Variants in DBF4 observed in about 807,000 individuals in gnomAD.
DBF4 encodes protein DBF4 homolog A.
DBF4 carries 25 observed loss-of-function variants against 76.6 expected under a neutral mutation model. The ratio of observed to expected loss-of-function variants is 0.33; its 90% confidence interval spans 0.24 to 0.46. The LOEUF (loss-of-function observed/expected upper bound fraction) is 0.46. DBF4 is among the 20% of genes least tolerant of loss of function. The probability of loss-of-function intolerance (pLI) is 1.00; values close to 1 mark genes in which losing one functional copy is unlikely to be tolerated. For missense variants in DBF4, 638 were observed against 760.8 expected (o/e 0.84, Z 1.90); for synonymous variants, 213 against 258.0 (o/e 0.83, Z 1.67).
At chr7:87,887,625 G>A (rs1839389747) in intron 5 of DBF4, among the ~76,000 whole-genome samples, 1 of 152,190 alleles carries the variant, frequency 6.6e-6, no homozygotes, top group African/African-American at 2.4e-5. Context: ...CATCTGGTGA[G>A]GGCCTTCTTG....
Position 87,887,958 on chromosome 7 carries a change from T to G in DBF4, c.521-25T>G, listed in dbSNP as rs774088151. 5 of 1,520,100 alleles carry G rather than the reference T, an allele frequency of 3.3e-6. No homozygotes were observed. The East Asian group carries it at 1.2e-4, about 36-fold the overall frequency. The allele number at this position is 1,520,100 out of a possible 1,614,324, so 94.2% of individuals were successfully genotyped here. A position where few individuals can be genotyped will look rare whatever the true frequency, so the allele number is the denominator to read the frequency against. On this transcript the variant is annotated intron_variant, in intron 5 of 11. Coordinates refer to ENST00000265728, the MANE Select transcript of DBF4 (RefSeq NM_006716.4). Reference sequence around the variant, plus strand: ...ACTCCAAGAGTAAAATTGCTAATCTTAAAACCTTCTTTCTTTTAATAAAGA... The same window carrying G: ...ACTCCAAGAGTAAAATTGCTAATCTGAAAACCTTCTTTCTTTTAATAAAGA...
Position 87,876,548 on chromosome 7 carries a change from C to T in DBF4, c.-185C>T. 5 of 635,246 alleles carry T rather than the reference C, an allele frequency of 7.9e-6. No individual in the cohort carries two copies. Among genetic ancestry groups the T allele is most frequent in the Non-Finnish European group, 1.4e-5 (5 of 360,394 alleles). 39.4% of individuals were successfully genotyped at this position (635,246 alleles called of 1,614,324 possible). A position where few individuals can be genotyped will look rare whatever the true frequency, so the allele number is the denominator to read the frequency against. ...GTGCTTTGCGCCTTCCTCCTCCGCG[C>T]CTTGGAGCCGGATCCGGCCCCGGAA... On this transcript the variant is annotated 5_prime_UTR_variant, in exon 1 of 12. Transcript: ENST00000265728.
At chr7:87,900,155 C>A in intron 8 of DBF4, 66 bp from the exon 9 acceptor site, 1 of 1,332,412 alleles carries the variant, frequency 7.5e-7, no homozygotes, top group Non-Finnish European at 1.0e-6. Context: ...TTTTGAAATA[C>A]AAAACTTTAA....
chr7:87,886,471 G>A (rs1018755434), intron 3 of DBF4, among the ~76,000 whole-genome samples: 3 of 138,780 alleles, frequency 2.2e-5, no homozygotes, highest in Middle Eastern at 4.5e-3. Context: ...GGAGGCAGAG[G>A]TTGCAATGAG....
At chr7:87,897,422 G>C in intron 8 of DBF4, 83 bp downstream of exon 8, 1 of 1,256,976 alleles carries the variant, frequency 8.0e-7, no homozygotes, top group Non-Finnish European at 1.1e-6. Context: ...AGCTCGATTA[G>C]TACTGTTAGG....
chr7:87,908,861 C>G lies in DBF4; in HGVS notation c.*698C>G, dbSNP rs1839975443. On this transcript the variant is annotated 3_prime_UTR_variant, in exon 12 of 12. Coordinates refer to ENST00000265728, the MANE Select transcript of DBF4 (RefSeq NM_006716.4). ...CTTTGGGAGGCCGAGGCAGGCTGATCACGAGGTCAGAAGATCAAGACCATC... is the reference window on the plus strand; with the variant it reads ...CTTTGGGAGGCCGAGGCAGGCTGATGACGAGGTCAGAAGATCAAGACCATC... The G allele has an allele frequency of 6.6e-6, 1 of 152,230 alleles. No homozygotes were observed. The highest frequency in any genetic ancestry group is 1.5e-5 in the Non-Finnish European group (1 of 68,084). 9.4% of individuals were successfully genotyped at this position (152,230 alleles called of 1,614,324 possible).
intron 2 of DBF4, 128 bp downstream of exon 2, chr7:87,878,353 T>C: frequency 1.4e-6 from 1 of 728,476 alleles, no homozygotes; most frequent in East Asian, 2.8e-5. Context: ...TTTTATCAGC[T>C]GTTTATCGTT....
intron 1 of DBF4, among the ~76,000 whole-genome samples, chr7:87,877,035 C>T (rs1839072511): frequency 6.6e-6 from 1 of 152,214 alleles, no homozygotes; most frequent in Non-Finnish European, 1.5e-5. Flanking sequence ...TGAAAACTAG[C>T]AAACAATGTG....
intron 9 of DBF4, 149 bp downstream of exon 9, chr7:87,900,498 T>C: frequency 2.0e-6 from 2 of 989,012 alleles, no homozygotes; most frequent in Non-Finnish European, 2.9e-6. Context: ...CTGAATCTGT[T>C]TAGATGGAGG....
At chr7:87,887,914 A>G (rs1839398449) in intron 5 of DBF4, 69 bp from the exon 6 acceptor site, 2 of 1,374,108 alleles carry the variant, frequency 1.5e-6, no homozygotes, top group African/African-American at 3.0e-5. Flanking sequence ...ATTTAACTAC[A>G]AGAAAATATC....
At chr7:87,888,237 A>G (rs1839408953) in intron 6 of DBF4, 178 bp downstream of exon 6, 3 of 958,912 alleles carry the variant, frequency 3.1e-6, no homozygotes, top group Non-Finnish European at 3.7e-6. Flanking sequence ...TCACCAGGTA[A>G]AAGTTGTTCC....
intron 2 of DBF4, among the ~76,000 whole-genome samples, chr7:87,881,871 G>A (rs1287448193): frequency 6.6e-6 from 1 of 152,124 alleles, no homozygotes; most frequent in African/African-American, 2.4e-5. Context: ...AGTTTGAGCT[G>A]GATCTTGAAG....
At chr7:87,877,261 G>A (rs934183371) in intron 1 of DBF4, among the ~76,000 whole-genome samples, 11 of 152,206 alleles carry the variant, frequency 7.2e-5, no homozygotes, top group Admixed American at 6.5e-4. Context: ...TAAGTTGGGG[G>A]AAAGCATTGT....
chr7:87,895,536 T>C (rs1839611682), intron 6 of DBF4, among the ~76,000 whole-genome samples: 1 of 152,190 alleles, frequency 6.6e-6, no homozygotes, highest in Admixed American at 6.5e-5. Context: ...CAGACTGTTC[T>C]GTCTTGGTGG....
chr7:87,891,555 T>C (rs1018776032), intron 6 of DBF4, among the ~76,000 whole-genome samples: 31 of 152,190 alleles, frequency 2.0e-4, no homozygotes, highest in African/African-American at 6.8e-4. Context: ...GGTTGTCAAA[T>C]TGATGGGCAA....
At chr7:87,889,014 G>A (rs1289161722) in intron 6 of DBF4, among the ~76,000 whole-genome samples, 1 of 152,122 alleles carries the variant, frequency 6.6e-6, no homozygotes, top group Non-Finnish European at 1.5e-5. Flanking sequence ...GCATATTTTA[G>A]AAATCTTGTA....
intron 4 of DBF4, 89 bp downstream of exon 4, chr7:87,886,983 C>T (rs564631330): frequency 3.1e-6 from 3 of 962,326 alleles, no homozygotes; most frequent in South Asian, 3.2e-5. Flanking sequence ...TTTTCCTTTC[C>T]ACATTTTTAG....
chr7:87,898,439 G>A (rs1010742557), intron 8 of DBF4, among the ~76,000 whole-genome samples: 4 of 151,994 alleles, frequency 2.6e-5, no homozygotes, highest in Non-Finnish European at 5.9e-5. Flanking sequence ...TAGTAAAAAC[G>A]TATCCTAGAA....
chr7:87,904,465 G>T (rs1311189419), intron 11 of DBF4, 49 bp downstream of exon 11: 1 of 1,561,656 alleles, frequency 6.4e-7, no homozygotes, highest in South Asian at 1.1e-5. Context: ...GGCGGCCAGG[G>T]GTGGTGGCTC....
Sources: allele counts gnomAD v4.1 joint callset (sites outside exome capture counted in the v4.1 genomes callset), GRCh38; gene constraint gnomAD v4.1.1; transcripts MANE v1.5; gene names NCBI Gene and HGNC (gene_info 2026-07-23, HGNC 2026-07-21).